The following SDHC variants were observed in gnomAD, a reference collection of about 807,000 sequenced individuals.
SDHC encodes succinate dehydrogenase complex subunit C, also known as succinate dehydrogenase cytochrome b560 subunit, mitochondrial.
A neutral mutation model predicts 22.6 loss-of-function variants in SDHC; 11 were observed. The observed-to-expected ratio is 0.49, with a 90% CI of 0.31 to 0.81. The LOEUF is 0.81. Among genes scored for constraint, SDHC ranks in the 30% least tolerant of loss-of-function variants. The pLI is 0.05. For missense variants in SDHC, 160 were observed against 212.0 expected (o/e 0.75, Z 1.52); for synonymous variants, 80 against 77.8 (o/e 1.03, Z -0.15).
rs571976971 is a variant in SDHC, at chr1:161,358,529, C to G, written c.405+1689C>G. 9.2e-5 allele frequency among the ~76,000 whole-genome samples: 14 copies of G among 152,004 alleles called. No individual in the cohort carries two copies. In the East Asian group the frequency reaches 2.7e-3, roughly 29 times the overall value. On this transcript the variant is annotated intron_variant, in intron 5 of 5. Coordinates refer to ENST00000367975, the MANE Select transcript of SDHC (RefSeq NM_003001.5). ...GTGTGCGCCTGTGGTCCCAGCTACCCGTAAGGCTGAGGTGGGAGGATCGAA... is the reference window on the plus strand; with the variant it reads ...GTGTGCGCCTGTGGTCCCAGCTACCGGTAAGGCTGAGGTGGGAGGATCGAA...
At chr1:161,331,679 C>T (rs1222194041) in intron 3 of SDHC, among the ~76,000 whole-genome samples, 1 of 151,740 alleles carries the variant, frequency 6.6e-6, no homozygotes, top group Non-Finnish European at 1.5e-5. Flanking sequence ...CACTGTAACC[C>T]CCGCCTCCCT....
At chr1:161,332,402 C>T (rs1407739971) in intron 3 of SDHC, among the ~76,000 whole-genome samples, 3 of 152,160 alleles carry the variant, frequency 2.0e-5, no homozygotes, top group Admixed American at 6.5e-5. Flanking sequence ...GGACATAATT[C>T]TGCTAAACTT....
chr1:161,339,449 C>T (rs115605940), intron 3 of SDHC: 18,316 of 462,098 alleles, frequency 0.04, 550 homozygotes, highest in Non-Finnish European at 0.046. Context: ...TCCCAAAGTA[C>T]TAGGATTACA....
intron 2 of SDHC, among the ~76,000 whole-genome samples, 182 bp downstream of exon 2, chr1:161,323,852 C>A (rs111230586): frequency 6.6e-6 from 1 of 152,092 alleles, no homozygotes; most frequent in Admixed American, 6.6e-5. Context: ...CCCACCACCA[C>A]GCCTGGCTAA....
At chr1:161,334,507 T>C (rs1182143555) in intron 3 of SDHC, among the ~76,000 whole-genome samples, 2 of 152,186 alleles carry the variant, frequency 1.3e-5, no homozygotes, top group African/African-American at 4.8e-5. Context: ...GGCATGATCA[T>C]GGCTTACTGC....
chr1:161,335,338 A>G (rs1345131250), intron 3 of SDHC, among the ~76,000 whole-genome samples: 1 of 152,220 alleles, frequency 6.6e-6, no homozygotes, highest in Admixed American at 6.5e-5. Flanking sequence ...TAATTAATAC[A>G]TATTTTGGCG....
chr1:161,339,768 C>T (rs1375377373), intron 3 of SDHC, among the ~76,000 whole-genome samples: 1 of 146,740 alleles, frequency 6.8e-6, no homozygotes, highest in Non-Finnish European at 1.5e-5. Context: ...GCAACCTCCA[C>T]CTCCTGGGTT....
chr1:161,339,409 C>T (rs1671623663), intron 3 of SDHC, among the ~76,000 whole-genome samples: 1 of 149,748 alleles, frequency 6.7e-6, no homozygotes, highest in African/African-American at 2.5e-5. Flanking sequence ...TGACCTTGAA[C>T]TCCTGAACTC....
At chr1:161,355,874 C>T (rs1672249944) in intron 4 of SDHC, among the ~76,000 whole-genome samples, 2 of 151,646 alleles carry the variant, frequency 1.3e-5, no homozygotes, top group Admixed American at 1.3e-4. Flanking sequence ...AGGCCAGCTA[C>T]CTGGGAGGCT....
intron 2 of SDHC, 77 bp from the exon 3 acceptor site, chr1:161,328,319 G>A: frequency 8.3e-7 from 1 of 1,211,856 alleles, no homozygotes; most frequent in East Asian, 2.3e-5. Context: ...GCAAAATATT[G>A]ACTTAATAAA....
intron 3 of SDHC, among the ~76,000 whole-genome samples, chr1:161,337,522 C>G (rs1024096273): frequency 9.2e-5 from 14 of 152,136 alleles, no homozygotes. Context: ...TGCCCAGGTT[C>G]AAGGGTAGAG....
In SDHC at chr1:161,362,941, T is replaced by C. The variant is rs1571900359; in HGVS notation, c.*508T>C. The C allele has an allele frequency of 6.0e-6, 2 of 332,038 alleles. No individual in the cohort carries two copies. Among genetic ancestry groups the C allele is most frequent in the South Asian group, 1.1e-4 (2 of 18,918 alleles). The allele number at this position is 332,038 out of a possible 1,614,324, so 20.6% of individuals were successfully genotyped here. ...CACAGTGTTATTGAAAGAAGAGAGGTGGGGGTGGAGGGGAATTAGTCTGTC... is the reference window on the plus strand; with the variant it reads ...CACAGTGTTATTGAAAGAAGAGAGGCGGGGGTGGAGGGGAATTAGTCTGTC... On this transcript the variant is annotated 3_prime_UTR_variant, in exon 6 of 6. Coordinates refer to ENST00000367975, the MANE Select transcript of SDHC (RefSeq NM_003001.5).
At chr1:161,340,015 G>A (rs186477354) in intron 3 of SDHC, among the ~76,000 whole-genome samples, 5 of 152,102 alleles carry the variant, frequency 3.3e-5, no homozygotes, top group Admixed American at 3.3e-4. Flanking sequence ...GTGGAAACAC[G>A]GCTGGGCACA....
intron 3 of SDHC, among the ~76,000 whole-genome samples, chr1:161,329,781 C>G (rs1348191903): frequency 6.6e-6 from 1 of 152,230 alleles, no homozygotes; most frequent in African/African-American, 2.4e-5. Context: ...GGGCTGCATT[C>G]TTTTCCAGAG....
chr1:161,361,475 T>G (rs1388422827), intron 5 of SDHC, among the ~76,000 whole-genome samples: 1 of 152,120 alleles, frequency 6.6e-6, no homozygotes, highest in Non-Finnish European at 1.5e-5. Context: ...ATAAAAAGAT[T>G]CTGAGATTGA....
At chr1:161,328,263 A>C in intron 2 of SDHC, 133 bp from the exon 3 acceptor site, 1 of 754,912 alleles carries the variant, frequency 1.3e-6, no homozygotes, top group South Asian at 1.4e-5. Flanking sequence ...CGGCCTCCCA[A>C]AGAGCTGAGA....
chr1:161,355,223 A>G (rs1165727102), intron 4 of SDHC, among the ~76,000 whole-genome samples: 2 of 152,174 alleles, frequency 1.3e-5, no homozygotes, highest in African/African-American at 4.8e-5. Context: ...CATTTGTCTA[A>G]TGGCTAATGA....
chr1:161,318,199 A>T (rs1487760697), intron 1 of SDHC, among the ~76,000 whole-genome samples: 4 of 152,028 alleles, frequency 2.6e-5, no homozygotes. Context: ...ACTGTGTTAT[A>T]CAATAGATCT....
At chr1:161,351,886 G>T (rs1358787769) in intron 4 of SDHC, among the ~76,000 whole-genome samples, 1 of 152,212 alleles carries the variant, frequency 6.6e-6, no homozygotes, top group East Asian at 1.9e-4. Context: ...TGTGACATCT[G>T]CATGGGCTTT....
Sources: allele counts gnomAD v4.1 joint callset (sites outside exome capture counted in the v4.1 genomes callset), GRCh38; gene constraint gnomAD v4.1.1; transcripts MANE v1.5; gene names NCBI Gene and HGNC (gene_info 2026-07-23, HGNC 2026-07-21).